The following PPFIBP1 variants were observed in gnomAD, a reference collection of about 807,000 sequenced individuals.
PPFIBP1 encodes the protein PPFIB scaffold protein 1, also known as liprin-beta-1.
PPFIBP1 carries 112 observed loss-of-function variants against 137.8 expected under a neutral mutation model. The observed-to-expected ratio is 0.81, with a 90% CI of 0.70 to 0.95. The LOEUF (loss-of-function observed/expected upper bound fraction) is 0.95, where lower values mean the gene tolerates loss of function less well. Among genes scored for constraint, PPFIBP1 ranks in the 40% least tolerant of loss-of-function variants. The pLI is 0.00. For synonymous variants in PPFIBP1, 378 were observed against 417.3 expected (o/e 0.91, Z 1.15); for missense variants, 1,083 against 1,196.6 (o/e 0.91, Z 1.40).
chr12:27,542,286 A>G (rs56161394), intron 1 of PPFIBP1, among the ~76,000 whole-genome samples: 25,291 of 152,250 alleles, frequency 0.17, 2,377 homozygotes, highest in Middle Eastern at 0.26. Context: ...GAGAATGGGA[A>G]GATGTGTGTA....
At chr12:27,527,991 C>T (rs1053569748) in intron 1 of PPFIBP1, among the ~76,000 whole-genome samples, 13 of 152,158 alleles carry the variant, frequency 8.5e-5, no homozygotes, top group East Asian at 5.8e-4. Context: ...CTCTGTTGCC[C>T]GGGCTGGAGT....
At chr12:27,593,002 G>A (rs2016789) in intron 2 of PPFIBP1, among the ~76,000 whole-genome samples, 38,301 of 151,182 alleles carry the variant, frequency 0.25, 4,965 homozygotes, top group Middle Eastern at 0.28. Flanking sequence ...TAGGGTAGCA[G>A]ACGCCTATAA....
intron 2 of PPFIBP1, among the ~76,000 whole-genome samples, chr12:27,612,390 A>G (rs543104905): frequency 3.6e-5 from 5 of 137,254 alleles, no homozygotes; most frequent in South Asian, 2.4e-4. Context: ...CTGAAGTGCA[A>G]TGGTGCAATC....
intron 2 of PPFIBP1, among the ~76,000 whole-genome samples, chr12:27,618,650 T>C (rs11833842): frequency 1.3e-5 from 2 of 152,170 alleles, no homozygotes; most frequent in African/African-American, 4.8e-5. Context: ...CCAATGTAGA[T>C]CTTACATGTA....
At chr12:27,641,980 A>AGTAAATAAATAAATAG (rs2058140972) in intron 4 of PPFIBP1, among the ~76,000 whole-genome samples, 1 of 144,896 alleles carries the variant, frequency 6.9e-6, no homozygotes. Context: ...TAAATAAATA[A>AGTAAATAAATAAATAG]ATAGAAGGCT....
At chr12:27,537,334 T>C (rs1050388874) in intron 1 of PPFIBP1, among the ~76,000 whole-genome samples, 80 of 152,204 alleles carry the variant, frequency 5.3e-4, no homozygotes, top group African/African-American at 1.9e-3. Context: ...GGTTTCACTA[T>C]GTTGGCCAGG....
At chr12:27,558,262 T>TTTTTGTTTTGTTTTGTTTTGTTTTG (rs58268682) in intron 1 of PPFIBP1, among the ~76,000 whole-genome samples, 3 of 148,176 alleles carry the variant, frequency 2.0e-5, no homozygotes, top group Non-Finnish European at 3.0e-5. Context: ...CTGGGTTTTT[T>TTTTTGTTTTGTTTTGTTTTGTTTTG]TTTTGTTTTG....
chr12:27,547,372 T>C (rs1946332932), intron 1 of PPFIBP1: 1 of 152,210 alleles, frequency 6.6e-6, no homozygotes, highest in Non-Finnish European at 1.5e-5. Flanking sequence ...ATCAAAAATG[T>C]GTAGTTTTTA....
intron 2 of PPFIBP1, among the ~76,000 whole-genome samples, chr12:27,595,935 C>A (rs1208743307): frequency 6.7e-6 from 1 of 149,296 alleles, no homozygotes; most frequent in Non-Finnish European, 1.5e-5. Context: ...TATGCCCATA[C>A]CATCCCGGAT....
chr12:27,654,119 GT>G (rs2059049245), intron 7 of PPFIBP1, among the ~76,000 whole-genome samples: 1 of 152,182 alleles, frequency 6.6e-6, no homozygotes, highest in South Asian at 2.1e-4. Context: ...CTATTCTCAT[GT>G]TCCTGTTATT....
intron 24 of PPFIBP1, among the ~76,000 whole-genome samples, chr12:27,683,254 C>A (rs554200031): frequency 6.6e-6 from 1 of 152,088 alleles, no homozygotes; most frequent in Non-Finnish European, 1.5e-5. Flanking sequence ...TTAGTAGAGA[C>A]GGAGTTTCGC....
intron 2 of PPFIBP1, among the ~76,000 whole-genome samples, chr12:27,586,854 A>G (rs921987616): frequency 2.0e-5 from 3 of 148,464 alleles, no homozygotes; most frequent in African/African-American, 7.5e-5. Context: ...GTCCAATTTG[A>G]AGAAATTCTT....
intron 2 of PPFIBP1, among the ~76,000 whole-genome samples, chr12:27,606,577 G>T (rs976235523): frequency 3.9e-5 from 6 of 152,194 alleles, no homozygotes; most frequent in Admixed American, 6.5e-5. Flanking sequence ...AGGAGAAATA[G>T]GCCAAAGGAT....
intron 24 of PPFIBP1, among the ~76,000 whole-genome samples, chr12:27,686,550 A>G (rs1284784499): frequency 1.3e-5 from 2 of 152,214 alleles, no homozygotes; most frequent in South Asian, 2.1e-4. Context: ...AAACCTTTGC[A>G]CTGATTGATT....
chr12:27,637,930 A>G (rs1241856896), intron 4 of PPFIBP1, among the ~76,000 whole-genome samples: 1 of 152,162 alleles, frequency 6.6e-6, no homozygotes, highest in Non-Finnish European at 1.5e-5. Flanking sequence ...GGGTATATGT[A>G]TACATTTTAG....
At chr12:27,592,537 G>T in intron 2 of PPFIBP1, 2 of 1,253,696 alleles carry the variant, frequency 1.6e-6, no homozygotes, top group Admixed American at 1.7e-5. Context: ...CCTTGGTGCT[G>T]GCTGACGGGG....
intron 1 of PPFIBP1, among the ~76,000 whole-genome samples, chr12:27,541,899 G>A (rs188595681): frequency 1.6e-3 from 241 of 152,120 alleles, no homozygotes; most frequent in African/African-American, 3.0e-3. Flanking sequence ...TTTTCTGGTC[G>A]TAGTTTCTTG....
At position 27,535,696 on chromosome 12, in the gene PPFIBP1, G is replaced by C. The variant is rs571760740; in HGVS notation, c.-124+11331G>C. On this transcript the variant is annotated intron_variant, in intron 1 of 29. Transcript: ENST00000228425. ...TTGCAGGCGTGAGCCACTGCGCCCAGTGCAATGCTGGCTTTAAATGAAAAT... is the reference window on the plus strand; with the variant it reads ...TTGCAGGCGTGAGCCACTGCGCCCACTGCAATGCTGGCTTTAAATGAAAAT... Among the ~76,000 whole-genome samples, 42 of 152,332 alleles carry C rather than the reference G, an allele frequency of 2.8e-4. No individual in the cohort carries two copies. The South Asian group carries it at 7.5e-3, about 27-fold the overall frequency.
intron 4 of PPFIBP1, among the ~76,000 whole-genome samples, chr12:27,642,981 C>CTT (rs2058220547): frequency 6.6e-6 from 1 of 151,942 alleles, no homozygotes; most frequent in Non-Finnish European, 1.5e-5. Flanking sequence ...AAGAAGGTGT[C>CTT]TAAGGGAGCT....
Sources: allele counts gnomAD v4.1 joint callset (sites outside exome capture counted in the v4.1 genomes callset), GRCh38; gene constraint gnomAD v4.1.1; transcripts MANE v1.5; gene names NCBI Gene and HGNC (gene_info 2026-07-23, HGNC 2026-07-21).